The following MECOM variants were observed in gnomAD, a reference collection of about 807,000 sequenced individuals.
The protein encoded by MECOM is MDS1 and EVI1 complex locus, also known as histone-lysine N-methyltransferase MECOM.
Under a neutral mutation model 116.3 loss-of-function variants are expected in MECOM, and 13 were observed. That is an observed-to-expected ratio of 0.11 (90% CI 0.07 to 0.18). The LOEUF (loss-of-function observed/expected upper bound fraction) is 0.18, where lower values mean the gene tolerates loss of function less well. MECOM is among the 10% of genes least tolerant of loss of function. MECOM has a pLI of 1.00. For missense variants in MECOM, 1,299 were observed against 1,509.0 expected (o/e 0.86, Z 2.31); for synonymous variants, 528 against 535.2 (o/e 0.99, Z 0.19).
intron 10 of MECOM, among the ~76,000 whole-genome samples, chr3:169,107,451 C>A (rs1195547925): frequency 6.6e-6 from 1 of 152,084 alleles, no homozygotes; most frequent in African/African-American, 2.4e-5. Flanking sequence ...TTTATATCTT[C>A]AAATAGCCAG....
At chr3:169,432,721 G>A (rs115601645) in intron 1 of MECOM, among the ~76,000 whole-genome samples, 1,618 of 152,222 alleles carry the variant, frequency 0.011, 13 homozygotes, top group Non-Finnish European at 0.018. Flanking sequence ...GCACAGTGAG[G>A]TGACCCTTAT....
At chr3:169,412,579 A>G (rs1440480856) in intron 1 of MECOM, among the ~76,000 whole-genome samples, 1 of 152,136 alleles carries the variant, frequency 6.6e-6, no homozygotes, top group Non-Finnish European at 1.5e-5. Context: ...AAGGAAAACA[A>G]GCATCTTCCA....
At chr3:169,519,695 C>CAAGGCAATTTGAATTTTTA (rs1757124525) in intron 1 of MECOM, among the ~76,000 whole-genome samples, 1 of 152,224 alleles carries the variant, frequency 6.6e-6, no homozygotes, top group South Asian at 2.1e-4. Flanking sequence ...AAACATACCA[C>CAAGGCAATTTGAATTTTTA]AAGGCAATTT....
intron 1 of MECOM, among the ~76,000 whole-genome samples, chr3:169,518,096 G>A (rs66488811): frequency 0.18 from 27,335 of 151,940 alleles, 2,824 homozygotes; most frequent in Non-Finnish European, 0.23. Flanking sequence ...CGTCTTTACT[G>A]AAAATACAAA....
chr3:169,663,490 CT>C lies in MECOM; in HGVS notation c.-119del, dbSNP rs1489958786. ...CTCTCTCCTGTCTCTCTCTCTCTCT[CT>C]CTCTCTCTCTCTCTCTCTCTCTCTC... On this transcript the variant is annotated 5_prime_UTR_variant, in exon 1 of 17. Transcript: ENST00000651503. 2.0e-6 allele frequency: 1 copy of C among 507,094 alleles called. No individual in the cohort carries two copies. The allele number at this position is 507,094 out of a possible 1,614,324, so 31.4% of individuals were successfully genotyped here.
chr3:169,208,182 G>C (rs568871161), intron 2 of MECOM, among the ~76,000 whole-genome samples: 53 of 150,494 alleles, frequency 3.5e-4, no homozygotes, highest in Non-Finnish European at 5.9e-4. Flanking sequence ...CACAGTCTTA[G>C]TCTTCTAGTC....
intron 1 of MECOM, among the ~76,000 whole-genome samples, chr3:169,643,692 C>A (rs1022199265): frequency 1.3e-5 from 2 of 152,226 alleles, no homozygotes; most frequent in Non-Finnish European, 2.9e-5. Context: ...GGCATCATGA[C>A]AACTCTGGCC....
chr3:169,189,280 C>G (rs1747200213), intron 2 of MECOM, among the ~76,000 whole-genome samples: 1 of 151,672 alleles, frequency 6.6e-6, no homozygotes, highest in African/African-American at 2.4e-5. Flanking sequence ...TTCTACTTGA[C>G]CTTTACTAGG....
At chr3:169,378,522 G>GA (rs1365635523) in intron 2 of MECOM, among the ~76,000 whole-genome samples, 1 of 20,956 alleles carries the variant, frequency 4.8e-5, no homozygotes, top group Non-Finnish European at 9.9e-5. Flanking sequence ...AGAAAAGAAA[G>GA]AAAGAAAGAA....
intron 1 of MECOM, among the ~76,000 whole-genome samples, chr3:169,432,154 A>T (rs1220903531): frequency 6.6e-6 from 1 of 150,746 alleles, no homozygotes; most frequent in East Asian, 2.0e-4. Flanking sequence ...TTTTTGTGAT[A>T]GTACTACTGT....
intron 2 of MECOM, among the ~76,000 whole-genome samples, chr3:169,367,360 G>A (rs201906874): frequency 9.5e-6 from 1 of 105,280 alleles, no homozygotes; most frequent in Non-Finnish European, 2.0e-5. Flanking sequence ...TTTTTTTTTT[G>A]TGGGGGTAGG....
At chr3:169,462,914 A>G (rs1747697389) in intron 1 of MECOM, among the ~76,000 whole-genome samples, 1 of 152,164 alleles carries the variant, frequency 6.6e-6, no homozygotes, top group East Asian at 1.9e-4. Flanking sequence ...TTAAAGAACA[A>G]CCTCATGTAA....
At chr3:169,205,652 G>C (rs1307836335) in intron 2 of MECOM, among the ~76,000 whole-genome samples, 1 of 152,142 alleles carries the variant, frequency 6.6e-6, no homozygotes, top group Non-Finnish European at 1.5e-5. Flanking sequence ...ATTAAAAAAT[G>C]GGAGGATTCA....
intron 2 of MECOM, among the ~76,000 whole-genome samples, chr3:169,323,943 CA>C (rs1031733313): frequency 3.9e-5 from 6 of 152,150 alleles, no homozygotes; most frequent in African/African-American, 1.2e-4. Flanking sequence ...TTTTTCAGCA[CA>C]CTAACATCTC....
At chr3:169,377,313 C>A (rs1197269384) in intron 2 of MECOM, among the ~76,000 whole-genome samples, 8 of 151,204 alleles carry the variant, frequency 5.3e-5, no homozygotes, top group Middle Eastern at 3.4e-3. Context: ...CAACAAAAGC[C>A]AAAATTGACA....
chr3:169,145,901 C>A (rs1377342565), intron 2 of MECOM: 2 of 215,604 alleles, frequency 9.3e-6, no homozygotes, highest in Non-Finnish European at 1.9e-5. Flanking sequence ...AAAGATTTCA[C>A]CATCATATTA....
intron 1 of MECOM, among the ~76,000 whole-genome samples, chr3:169,606,413 A>G (rs1768556623): frequency 6.6e-6 from 1 of 151,834 alleles, no homozygotes; most frequent in Non-Finnish European, 1.5e-5. Flanking sequence ...CGTCTCAAAA[A>G]AAAAAAAAAA....
chr3:169,456,086 C>T (rs1746438378), intron 1 of MECOM, among the ~76,000 whole-genome samples: 1 of 152,132 alleles, frequency 6.6e-6, no homozygotes, highest in African/African-American at 2.4e-5. Flanking sequence ...CAGATTTCCA[C>T]CTTCTTGGAA....
At chr3:169,222,131 C>A (rs147956910) in intron 2 of MECOM, among the ~76,000 whole-genome samples, 2 of 152,120 alleles carry the variant, frequency 1.3e-5, no homozygotes, top group African/African-American at 2.4e-5. Flanking sequence ...ACATTCCCAT[C>A]GTCACAGAAA....
Sources: gnomAD v4.1 joint callset for allele counts (sites outside exome capture counted in the v4.1 genomes callset) on GRCh38, gnomAD v4.1.1 for gene constraint, MANE v1.5 for transcripts, NCBI Gene and HGNC (gene_info 2026-07-23, HGNC 2026-07-21) for gene names.